The following AOPEP variants were observed in gnomAD, a reference collection of about 807,000 sequenced individuals.
AOPEP encodes aminopeptidase O (putative).
In AOPEP, 77 loss-of-function variants were observed where a neutral mutation model predicts 98.1. That is an observed-to-expected ratio of 0.78 (90% CI 0.65 to 0.95). The LOEUF (loss-of-function observed/expected upper bound fraction) is 0.95. Ranked by LOEUF, AOPEP falls within the 40% of genes least tolerant of loss-of-function variation. The pLI, the probability that AOPEP is intolerant of heterozygous loss-of-function variation, is 0.00. For missense variants in AOPEP, 1,024 were observed against 1,024.7 expected (o/e 1.00, Z 0.01); for synonymous variants, 346 against 365.3 (o/e 0.95, Z 0.60).
chr9:95,017,183 T>C (rs2063077642), intron 13 of AOPEP, among the ~76,000 whole-genome samples: 1 of 152,030 alleles, frequency 6.6e-6, no homozygotes, highest in South Asian at 2.1e-4. Flanking sequence ...TGTTTTTTTT[T>C]CTCCCTAACC....
At chr9:95,111,274 G>C in the AOPEP span, 1 of 1,556,372 alleles carries the variant, frequency 6.4e-7, no homozygotes, top group Admixed American at 1.9e-5. Flanking sequence ...CCACCTCGGT[G>C]GGGACAGGAG....
At chr9:95,128,171 G>A in the AOPEP span, among the ~76,000 whole-genome samples, 1 of 152,102 alleles carries the variant, frequency 6.6e-6, no homozygotes, top group African/African-American at 2.4e-5. Context: ...GTTATTAAGA[G>A]GTCACCGGAT....
At chr9:94,899,675 A>G (rs2050128419) in intron 5 of AOPEP, among the ~76,000 whole-genome samples, 1 of 151,878 alleles carries the variant, frequency 6.6e-6, no homozygotes, top group Non-Finnish European at 1.5e-5. Context: ...GCGTGAACCC[A>G]GGATGTTGAA....
chr9:94,731,273 G>A (rs1197114376), intron 1 of AOPEP, among the ~76,000 whole-genome samples: 1 of 151,908 alleles, frequency 6.6e-6, no homozygotes, highest in Non-Finnish European at 1.5e-5. Flanking sequence ...TGTCGCCCAG[G>A]CTGGAGTGCA....
intron 5 of AOPEP, among the ~76,000 whole-genome samples, chr9:94,841,464 G>A (rs2042264869): frequency 6.6e-6 from 1 of 152,096 alleles, no homozygotes; most frequent in South Asian, 2.1e-4. Context: ...GTGAGCCAAC[G>A]TGCCTGGCCA....
At chr9:95,094,697 C>T in the AOPEP span, among the ~76,000 whole-genome samples, 1 of 152,332 alleles carries the variant, frequency 6.6e-6, no homozygotes, top group South Asian at 2.1e-4. Context: ...GACAGAGTCT[C>T]ACTCTGCTGC....
intron 1 of AOPEP, among the ~76,000 whole-genome samples, chr9:94,741,254 T>G (rs1197892873): frequency 1.1e-4 from 16 of 148,058 alleles, no homozygotes; most frequent in Non-Finnish European, 2.1e-4. Context: ...CTTTTGTTTT[T>G]ATTTTATTTT....
intron 5 of AOPEP, among the ~76,000 whole-genome samples, chr9:94,834,846 A>C (rs962667665): frequency 1.3e-5 from 2 of 151,108 alleles, no homozygotes; most frequent in African/African-American, 4.8e-5. Flanking sequence ...ACATACATAC[A>C]TACATACAAA....
chr9:95,005,010 G>A (rs1267795055), intron 11 of AOPEP, 148 bp from the exon 12 acceptor site: 2 of 182,986 alleles, frequency 1.1e-5, no homozygotes, highest in East Asian at 1.8e-4. Flanking sequence ...GACCCCGGGC[G>A]GGCGCAGGGC....
chr9:95,059,623 T>C (rs1263321616), intron 13 of AOPEP, among the ~76,000 whole-genome samples: 1 of 152,096 alleles, frequency 6.6e-6, no homozygotes, highest in Non-Finnish European at 1.5e-5. Flanking sequence ...AACCAGTACT[T>C]TTTAAAAATT....
the AOPEP span, chr9:95,107,632 A>C: frequency 2.5e-6 from 1 of 399,182 alleles, no homozygotes; most frequent in Non-Finnish European, 4.7e-6. Context: ...CCACAAATCA[A>C]TTAAAGCCCC....
intron 5 of AOPEP, among the ~76,000 whole-genome samples, chr9:94,913,627 C>G (rs2052395111): frequency 6.6e-6 from 1 of 152,162 alleles, no homozygotes; most frequent in African/African-American, 2.4e-5. Context: ...GAGACATTTA[C>G]TTTTTAAGCT....
chr9:95,005,146 C>T lies in AOPEP; in HGVS notation c.1978-12C>T, dbSNP rs756509362. On this transcript the variant is annotated splice_polypyrimidine_tract_variant and intron_variant, in intron 11 of 16. Transcript: ENST00000375315. ...CCCGCGGTAAACTTGACTGTGTCCT[C>T]TTCCCCCGCAGCCGCTGCAGAGGGA... 2.8e-5 allele frequency: 32 copies of T among 1,141,066 alleles called. No homozygotes were observed. The Admixed American group carries it at 8.3e-4, about 30-fold the overall frequency. 70.7% of individuals were successfully genotyped at this position (1,141,066 alleles called of 1,614,324 possible).
chr9:94,921,792 G>C (rs1175269931), intron 5 of AOPEP, among the ~76,000 whole-genome samples: 3 of 152,188 alleles, frequency 2.0e-5, no homozygotes, highest in African/African-American at 7.2e-5. Flanking sequence ...TTGCTTTTCA[G>C]GGAGAAGGTC....
Position 95,042,591 on chromosome 9 carries a change from C to G in AOPEP, c.2116-18103C>G, listed in dbSNP as rs116882789. 7.9e-5 allele frequency among the ~76,000 whole-genome samples: 12 copies of G among 152,278 alleles called. No homozygotes were observed. In the East Asian group the frequency reaches 1.4e-3, roughly 17 times the overall value. On this transcript the variant is annotated intron_variant, in intron 13 of 16. Coordinates refer to ENST00000375315, the MANE Select transcript of AOPEP (RefSeq NM_001193329.3). ...TCAGGGTGTCCGCAGCACTTTCTTT[C>G]TGTAGGCTCTAGGAGAGAATCTAGT...
the AOPEP span, among the ~76,000 whole-genome samples, chr9:95,120,803 A>G: frequency 6.6e-6 from 1 of 152,162 alleles, no homozygotes; most frequent in Non-Finnish European, 1.5e-5. Flanking sequence ...TAATTGCTGA[A>G]ATTAATGTCA....
At chr9:94,786,085 G>C (rs561289454) in intron 3 of AOPEP, among the ~76,000 whole-genome samples, 1 of 152,310 alleles carries the variant, frequency 6.6e-6, no homozygotes, top group African/African-American at 2.4e-5. Flanking sequence ...GCCTGAGTGA[G>C]CATCAAGGGT....
intron 2 of AOPEP, among the ~76,000 whole-genome samples, chr9:94,766,541 C>T (rs1222170773): frequency 6.6e-6 from 1 of 152,118 alleles, no homozygotes. Flanking sequence ...CATCTCAAAA[C>T]AAAACAAAAC....
chr9:95,087,706 A>AT (rs2070803362), downstream of AOPEP, among the ~76,000 whole-genome samples: 1 of 151,952 alleles, frequency 6.6e-6, no homozygotes, highest in Non-Finnish European at 1.5e-5. Flanking sequence ...TGGTGGTATG[A>AT]TTTTTCTTTC....
Sources: allele counts gnomAD v4.1 joint callset (sites outside exome capture counted in the v4.1 genomes callset), GRCh38; gene constraint gnomAD v4.1.1; transcripts MANE v1.5; gene names NCBI Gene and HGNC (gene_info 2026-07-23, HGNC 2026-07-21).